PTK2B: variants seen among roughly 807,000 people sequenced by gnomAD.
The protein encoded by PTK2B is protein-tyrosine kinase 2-beta.
In PTK2B, 71 loss-of-function variants were observed where a neutral mutation model predicts 142.9. The ratio of observed to expected loss-of-function variants is 0.50; its 90% CI spans 0.41 to 0.61. PTK2B has a LOEUF of 0.61. Among genes scored for constraint, PTK2B ranks in the 20% least tolerant of loss-of-function variants. The pLI is 0.00. For synonymous variants in PTK2B, 519 were observed against 503.4 expected (o/e 1.03, Z -0.42); for missense variants, 1,105 against 1,320.4 (o/e 0.84, Z 2.53).
intron 1 of PTK2B, among the ~76,000 whole-genome samples, chr8:27,326,033 C>T (rs1586079149): frequency 6.6e-6 from 1 of 152,046 alleles, no homozygotes; most frequent in Non-Finnish European, 1.5e-5. Context: ...GTTAGGGAGC[C>T]ACGGGGTTTC....
At chr8:27,341,333 G>A (rs1327253736) in intron 1 of PTK2B, among the ~76,000 whole-genome samples, 4 of 152,176 alleles carry the variant, frequency 2.6e-5, no homozygotes, top group African/African-American at 4.8e-5. Flanking sequence ...GTCAGGATAC[G>A]GAGCTCACAC....
At chr8:27,436,392 G>A (rs1168151351) in intron 15 of PTK2B, 44 bp downstream of exon 15, 12 of 1,556,988 alleles carry the variant, frequency 7.7e-6, no homozygotes, top group Non-Finnish European at 1.1e-5. Flanking sequence ...CCACATGTCT[G>A]TAGGGTGAGA....
chr8:27,449,730 T>C (rs1041477670), intron 24 of PTK2B, among the ~76,000 whole-genome samples: 1 of 152,204 alleles, frequency 6.6e-6, no homozygotes, highest in Non-Finnish European at 1.5e-5. Flanking sequence ...TTAGAGACAC[T>C]GAGCAGATAT....
chr8:27,348,260 G>A (rs2322608), intron 1 of PTK2B, among the ~76,000 whole-genome samples: 122,861 of 152,216 alleles, frequency 0.81, 50,229 homozygotes, highest in Middle Eastern at 0.87. Context: ...CCCTTTTCCT[G>A]TGTTACGAAT....
chr8:27,354,926 T>C (rs1805310460), intron 1 of PTK2B, among the ~76,000 whole-genome samples: 1 of 152,214 alleles, frequency 6.6e-6, no homozygotes, highest in Admixed American at 6.5e-5. Flanking sequence ...TTTATTATAC[T>C]GCTTATGTCT....
At chr8:27,366,817 G>A (rs1490001843) in intron 1 of PTK2B, among the ~76,000 whole-genome samples, 1 of 152,114 alleles carries the variant, frequency 6.6e-6, no homozygotes, top group African/African-American at 2.4e-5. Context: ...TGTGTGTGGA[G>A]AGCAGAGGGC....
intron 22 of PTK2B, among the ~76,000 whole-genome samples, chr8:27,443,267 A>T (rs1283491404): frequency 6.6e-6 from 1 of 152,166 alleles, no homozygotes; most frequent in Non-Finnish European, 1.5e-5. Flanking sequence ...AACAAATGAG[A>T]TCCCCCTGAG....
intron 30 of PTK2B, 121 bp from the exon 31 acceptor site, chr8:27,458,173 T>A (rs183267495): frequency 2.0e-4 from 195 of 985,564 alleles, no homozygotes; most frequent in Admixed American, 6.1e-4. Flanking sequence ...TAGGTCTGAT[T>A]TGCTTCCAGG....
At chr8:27,366,782 C>G (rs1324145884) in intron 1 of PTK2B, among the ~76,000 whole-genome samples, 1 of 151,506 alleles carries the variant, frequency 6.6e-6, no homozygotes, top group East Asian at 1.9e-4. Context: ...TCAAGCATGT[C>G]AAGGGGTGTT....
At chr8:27,420,566 G>A in intron 3 of PTK2B, 91 bp from the exon 4 acceptor site, 17 of 1,237,750 alleles carry the variant, frequency 1.4e-5, no homozygotes, top group Non-Finnish European at 2.0e-5. Context: ...TTTGCACTAG[G>A]GGATGGGCTT....
At chr8:27,369,957 A>G (rs1806249800) in intron 1 of PTK2B, among the ~76,000 whole-genome samples, 1 of 152,238 alleles carries the variant, frequency 6.6e-6, no homozygotes, top group African/African-American at 2.4e-5. Flanking sequence ...AGCCTGGGTG[A>G]CAGAGTGAGA....
At chr8:27,437,700 C>T (rs1167342678) in intron 17 of PTK2B, 65 bp from the exon 18 acceptor site, 2 of 1,484,118 alleles carry the variant, frequency 1.3e-6, no homozygotes, top group Admixed American at 1.9e-5. Context: ...TTGCCAGCAC[C>T]CTGGTCCCCT....
intron 1 of PTK2B, among the ~76,000 whole-genome samples, chr8:27,382,909 T>C (rs1191671888): frequency 6.6e-6 from 1 of 152,234 alleles, no homozygotes; most frequent in Non-Finnish European, 1.5e-5. Flanking sequence ...TTCATTTGTC[T>C]GTGTGTCTGT....
At chr8:27,367,410 G>C (rs542850163) in intron 1 of PTK2B, among the ~76,000 whole-genome samples, 2 of 152,146 alleles carry the variant, frequency 1.3e-5, no homozygotes, top group South Asian at 4.1e-4. Context: ...GCCCAGGTGC[G>C]GGGTGTCTGG....
intron 2 of PTK2B, among the ~76,000 whole-genome samples, chr8:27,403,070 T>A (rs1297647593): frequency 1.3e-5 from 2 of 152,226 alleles, no homozygotes; most frequent in African/African-American, 4.8e-5. Flanking sequence ...GGAGCAGCCC[T>A]TCTTCTCTCT....
rs762639264 is a variant in PTK2B at position 27,422,340 on chromosome 8, G to A, written c.508G>A (p.Val170Ile). ...CTACATGCAGCGCTACGCCAGCAAG[G>A]TCAGCGAGGGCATGGCCCTGCAGCT... ...NDYMQRYASK[V>I]SEGMALQLGC... is the part of the protein sequence containing the mutation. The change falls in exon 5 of 31, where the codon GTC (valine) becomes ATC (isoleucine). Residue 170 changes from valine to isoleucine, a missense_variant. Physicochemically the swap from Val to Ile is conservative, Grantham distance 29 (BLOSUM62 3). Coordinates refer to ENST00000346049, the MANE Select transcript of PTK2B (RefSeq NM_173176.3). 6.2e-7 allele frequency: 1 copy of A among 1,613,836 alleles called. No homozygotes were observed. The highest frequency in any genetic ancestry group is 8.5e-7 in the Non-Finnish European group (1 of 1,179,876).
At position 27,444,335 on chromosome 8, in the gene PTK2B, T is replaced by A. The variant is rs1811337875; in HGVS notation, c.2214+64T>A. 24 of 1,541,972 alleles carry A rather than the reference T, an allele frequency of 1.6e-5. No individual in the cohort carries two copies. The South Asian group carries it at 2.7e-4, about 17-fold the overall frequency. On this transcript the variant is annotated intron_variant, in intron 23 of 30. Transcript: ENST00000346049. ...CTCTCATCCAGGTCCTGAAACTCCA[T>A]TCTTGTGCCTTAGAGGAGCAGCAGT...
At position 27,440,108 on chromosome 8, in the gene PTK2B, G is replaced by GGTGCT. The variant is rs1295974127; in HGVS notation, c.1835-127_1835-123dup. On this transcript the variant is annotated intron_variant, in intron 20 of 30. Coordinates refer to ENST00000346049, the MANE Select transcript of PTK2B (RefSeq NM_173176.3). Reference sequence around the variant, plus strand: ...ACCACCATGGTAGGCAGGACCCCAGGGTGCTGGAGGAGGAGGAGGGACCGC... The same window carrying GGTGCT: ...ACCACCATGGTAGGCAGGACCCCAGGGTGCTGTGCTGGAGGAGGAGGAGGGACCGC... The GGTGCT allele has an allele frequency of 5.6e-6, 5 of 899,946 alleles. No individual in the cohort carries two copies. The African/African-American group carries it at 6.6e-5, about 12-fold the overall frequency. The allele number at this position is 899,946 out of a possible 1,614,324, so 55.7% of individuals were successfully genotyped here. A position where few individuals can be genotyped will look rare whatever the true frequency, so the allele number is the denominator to read the frequency against.
chr8:27,356,400 G>C (rs1401926938), intron 1 of PTK2B, among the ~76,000 whole-genome samples: 1 of 152,228 alleles, frequency 6.6e-6, no homozygotes, highest in Non-Finnish European at 1.5e-5. Context: ...AGACTTCACA[G>C]AATACTTGGT....
Sources: gnomAD v4.1 joint callset for allele counts (sites outside exome capture counted in the v4.1 genomes callset) on GRCh38, gnomAD v4.1.1 for gene constraint, MANE v1.5 for transcripts, NCBI Gene and HGNC (gene_info 2026-07-23, HGNC 2026-07-21) for gene names.